LRRK1: variants seen among roughly 807,000 people sequenced by gnomAD.
LRRK1 encodes the protein leucine-rich repeat serine/threonine-protein kinase 1.
In LRRK1, 113 loss-of-function variants were observed where a neutral mutation model predicts 209.1. The observed-to-expected ratio is 0.54, with a 90% CI of 0.46 to 0.63. The LOEUF is 0.63. Among genes scored for constraint, LRRK1 ranks in the 30% least tolerant of loss-of-function variants. The pLI, the probability that LRRK1 is intolerant of heterozygous loss-of-function variation, is 0.00. For synonymous variants in LRRK1, 1,144 were observed against 1,099.7 expected (o/e 1.04, Z -0.80); for missense variants, 2,284 against 2,632.2 (o/e 0.87, Z 2.89).
chr15:100,928,595 C>T (rs937357924), intron 2 of LRRK1, among the ~76,000 whole-genome samples: 1 of 152,198 alleles, frequency 6.6e-6, no homozygotes, highest in African/African-American at 2.4e-5. Context: ...TGATTGAAAA[C>T]GACGACGTTC....
In LRRK1 at chr15:101,024,199, G is replaced by A. The variant is rs921037862; in HGVS notation, c.2068-604G>A. 5.3e-5 allele frequency among the ~76,000 whole-genome samples: 8 copies of A among 152,220 alleles called. 1 individual carries two copies. The highest frequency in any genetic ancestry group is 1.2e-4 in the Non-Finnish European group (8 of 68,044). On this transcript the variant is annotated intron_variant, in intron 15 of 33. Coordinates refer to ENST00000388948, the MANE Select transcript of LRRK1 (RefSeq NM_024652.6). The surrounding 1 kb of genome is among the most constrained non-coding windows in gnomAD (Gnocchi z 4.6). ...CCAGGTCAGCACACTGTGTCTTGGA[G>A]GCTGATGCTGCCTCACAGAGATGAC...
intron 2 of LRRK1, among the ~76,000 whole-genome samples, chr15:100,935,432 G>A (rs958803951): frequency 3.9e-5 from 6 of 152,216 alleles, no homozygotes; most frequent in African/African-American, 7.2e-5. Context: ...TTGACTGACC[G>A]CAAGATGGCC....
chr15:101,012,961 C>T (rs1041921274), intron 10 of LRRK1, among the ~76,000 whole-genome samples: 3 of 152,202 alleles, frequency 2.0e-5, no homozygotes, highest in Admixed American at 1.3e-4. Context: ...AGGCCTTGTC[C>T]ACAGCCCCTG....
In LRRK1 at chr15:100,958,102, C is replaced by T. The variant is rs569903274; in HGVS notation, c.98-15702C>T. On this transcript the variant is annotated intron_variant, in intron 2 of 33. Transcript: ENST00000388948. ...AACTCCTGACCGCAAGTGATCTGCC[C>T]GCCTTAGCCTCCCAAAGTTCTGGGA... 4.7e-4 allele frequency among the ~76,000 whole-genome samples: 71 copies of T among 152,278 alleles called. 1 individual carries two copies. Among genetic ancestry groups the T allele is most frequent in the Non-Finnish European group, 8.2e-4 (56 of 68,020 alleles).
chr15:100,923,904 G>A (rs888842921), intron 1 of LRRK1, among the ~76,000 whole-genome samples: 1 of 152,186 alleles, frequency 6.6e-6, no homozygotes, highest in Admixed American at 6.5e-5. Flanking sequence ...CCTGGGAAAG[G>A]GGCAGAATTT....
At chr15:101,039,280 T>TTC (rs1364256475) in intron 20 of LRRK1, among the ~76,000 whole-genome samples, 1 of 152,214 alleles carries the variant, frequency 6.6e-6, no homozygotes, top group Non-Finnish European at 1.5e-5. Context: ...TTTAAAAAGT[T>TTC]TCTCTCCACG....
In LRRK1 at chr15:100,919,603, C is replaced by CG. The variant is rs1208145182; in HGVS notation, c.-123+158dup. On this transcript the variant is annotated intron_variant, in intron 1 of 33. Transcript: ENST00000388948. This position sits in a 1 kb window ranked among gnomAD's most constrained non-coding sequence, Gnocchi z 5.8. Reference sequence around the variant, plus strand: ...CTCCGGGCGGCCGCGTGGTCGGGCACGGGGGGCCGTTGCGCAGGGGCCGCG... The same window carrying CG: ...CTCCGGGCGGCCGCGTGGTCGGGCACGGGGGGGCCGTTGCGCAGGGGCCGCG... 6.7e-6 allele frequency among the ~76,000 whole-genome samples: 1 copy of CG among 148,652 alleles called. No homozygotes were observed. The highest frequency in any genetic ancestry group is 2.4e-5 in the African/African-American group (1 of 40,888).
intron 29 of LRRK1, among the ~76,000 whole-genome samples, chr15:101,060,106 G>C (rs2036071379): frequency 6.6e-6 from 1 of 152,164 alleles, no homozygotes; most frequent in African/African-American, 2.4e-5. Context: ...CCTGAAGAGA[G>C]ACTCACTCAC....
rs934504521 is a variant in LRRK1 at position 101,077,410 on chromosome 15, C to T, written c.*8562C>T. The T allele has an allele frequency of 5.3e-5, 8 of 152,342 alleles. No individual in the cohort carries two copies. The highest frequency in any genetic ancestry group is 3.4e-3 in the Middle Eastern group (1 of 294). 9.4% of individuals were successfully genotyped at this position (152,342 alleles called of 1,614,324 possible). A position where few individuals can be genotyped will look rare whatever the true frequency, so the allele number is the denominator to read the frequency against. ...CAGCTGATATCTCCTGGTGCTATCC[C>T]CAAACCGCCACTCTGAACTCTTAAA... On this transcript the variant is annotated 3_prime_UTR_variant, in exon 34 of 34. Transcript: ENST00000388948.
intron 16 of LRRK1, among the ~76,000 whole-genome samples, chr15:101,025,475 T>G (rs1276509703): frequency 1.3e-5 from 2 of 152,196 alleles, no homozygotes; most frequent in South Asian, 2.1e-4. Context: ...GGGTAATTTA[T>G]GAAGAAAAGA....
chr15:100,981,815 T>C (rs2031617292), intron 3 of LRRK1, among the ~76,000 whole-genome samples: 1 of 152,228 alleles, frequency 6.6e-6, no homozygotes, highest in Non-Finnish European at 1.5e-5. Flanking sequence ...TGATAAATGT[T>C]CACTCCCTTT....
intron 10 of LRRK1, among the ~76,000 whole-genome samples, chr15:101,012,816 G>A (rs2033331304): frequency 6.6e-6 from 1 of 152,156 alleles, no homozygotes; most frequent in Non-Finnish European, 1.5e-5. Flanking sequence ...CATGTCCTAG[G>A]CTCCTGACAA....
intron 12 of LRRK1, among the ~76,000 whole-genome samples, chr15:101,016,190 G>A (rs559119291): frequency 2.6e-4 from 40 of 152,006 alleles, no homozygotes; most frequent in African/African-American, 6.5e-4. Context: ...CACTGTGCCC[G>A]GCCCCTCTTC....
intron 20 of LRRK1, chr15:101,044,095 C>T (rs555915743): frequency 6.6e-6 from 1 of 152,402 alleles, no homozygotes; most frequent in Admixed American, 6.5e-5. Flanking sequence ...CAAGTCCCCG[C>T]TCCTGGCATC....
intron 27 of LRRK1, among the ~76,000 whole-genome samples, chr15:101,056,552 G>T (rs116158106): frequency 6.6e-6 from 1 of 151,982 alleles, no homozygotes; most frequent in East Asian, 1.9e-4. Context: ...ACAGGTGGTC[G>T]GATGGATAGA....
At chr15:101,018,720 G>C (rs1464372401) in intron 12 of LRRK1, among the ~76,000 whole-genome samples, 2 of 152,224 alleles carry the variant, frequency 1.3e-5, no homozygotes, top group Non-Finnish European at 2.9e-5. Context: ...TGAGGGGGCC[G>C]CGCCCCTGGG....
chr15:100,987,743 C>A (rs952413554), intron 4 of LRRK1, among the ~76,000 whole-genome samples: 1 of 152,134 alleles, frequency 6.6e-6, no homozygotes, highest in Non-Finnish European at 1.5e-5. Flanking sequence ...TCCGATTTTA[C>A]CAACAGGCAA....
chr15:101,049,328 C>A, intron 22 of LRRK1: 1 of 279,524 alleles, frequency 3.6e-6, no homozygotes, highest in East Asian at 7.0e-5. Context: ...CCCAGGGTTG[C>A]TGCTGGACAG....
At chr15:101,038,228 G>A (rs1390025577) in intron 20 of LRRK1, among the ~76,000 whole-genome samples, 1 of 152,078 alleles carries the variant, frequency 6.6e-6, no homozygotes, top group African/African-American at 2.4e-5. Flanking sequence ...GGAAAGGGTG[G>A]GAGGGGATGA....
Sources: gnomAD v4.1 joint callset for allele counts (sites outside exome capture counted in the v4.1 genomes callset) on GRCh38, gnomAD v4.1.1 for gene constraint, Gnocchi (gnomAD v3.1) non-coding constraint, MANE v1.5 for transcripts, NCBI Gene and HGNC (gene_info 2026-07-23, HGNC 2026-07-21) for gene names.